Variants in GPR89A observed in about 807,000 individuals in gnomAD.
The protein encoded by GPR89A is G protein-coupled receptor 89A.
Under a neutral mutation model 52.0 loss-of-function variants are expected in GPR89A, and 16 were observed. That is an observed-to-expected ratio of 0.31 (90% CI 0.21 to 0.47). The LOEUF is 0.47. GPR89A is among the 20% of genes least tolerant of loss of function. GPR89A has a pLI of 1.00. For missense variants in GPR89A, 135 were observed against 449.4 expected, an observed-to-expected ratio of 0.30 and a Z score of 6.33; for synonymous variants, 55 against 150.9, an observed-to-expected ratio of 0.36 and a Z score of 4.66.
At chr1:145,612,739 C>G (rs1487220752) in intron 1 of GPR89A, among the ~76,000 whole-genome samples, 1 of 151,890 alleles carries the variant, frequency 6.6e-6, no homozygotes, top group African/African-American at 2.4e-5. Context: ...TTCCACCATC[C>G]TTCTCATCTT....
intron 7 of GPR89A, among the ~76,000 whole-genome samples, chr1:145,637,894 G>A (rs1429189800): frequency 2.0e-5 from 3 of 151,292 alleles, no homozygotes; most frequent in Non-Finnish European, 4.4e-5. Context: ...AATTCAGGCT[G>A]GGCATGGTGG....
intron 5 of GPR89A, among the ~76,000 whole-genome samples, chr1:145,624,553 A>T (rs1649363570): frequency 6.6e-6 from 1 of 151,478 alleles, no homozygotes. Flanking sequence ...ATCCTGCCGT[A>T]CCTATTACTA....
chr1:145,634,016 G>C (rs1366502800), intron 7 of GPR89A, among the ~76,000 whole-genome samples: 1 of 151,690 alleles, frequency 6.6e-6, no homozygotes, highest in African/African-American at 2.4e-5. Context: ...TAAATGGAAA[G>C]ATATCCCATG....
At chr1:145,635,250 C>A (rs1553690535) in intron 7 of GPR89A, among the ~76,000 whole-genome samples, 2 of 152,026 alleles carry the variant, frequency 1.3e-5, no homozygotes, top group Non-Finnish European at 2.9e-5. Context: ...ACTAAAGATA[C>A]AAAAAAGTAG....
chr1:145,653,460 A>G (rs1553693969), intron 10 of GPR89A, among the ~76,000 whole-genome samples: 1 of 147,850 alleles, frequency 6.8e-6, no homozygotes, highest in African/African-American at 2.5e-5. Context: ...GTTTTTGGGT[A>G]GAGAGTTCTG....
chr1:145,612,753 C>T (rs1648389885), intron 1 of GPR89A, among the ~76,000 whole-genome samples: 1 of 152,102 alleles, frequency 6.6e-6, no homozygotes, highest in Admixed American at 6.5e-5. Flanking sequence ...TCATCTTTTT[C>T]TCCTTACTTG....
Position 145,663,509 on chromosome 1 carries a change from C to T in GPR89A, c.1005+85C>T, listed in dbSNP as rs750312958. 99 of 1,559,950 alleles carry T rather than the reference C, an allele frequency of 6.3e-5. 1 individual carries two copies. The highest frequency in any genetic ancestry group is 8.3e-5 in the Non-Finnish European group (95 of 1,147,686). ...CATTGTTAAGATTCTAATTTGTATA[C>T]TTTAGGTACTTGCTTCTGCTTTTGT... On this transcript the variant is annotated intron_variant, in intron 11 of 13. Transcript: ENST00000313835.
chr1:145,647,037 C>T, intron 9 of GPR89A, 138 bp from the exon 10 acceptor site: 1 of 1,340,208 alleles, frequency 7.5e-7, no homozygotes, highest in Non-Finnish European at 1.0e-6. Context: ...GCCACAACTA[C>T]TGTTATTAGT....
At chr1:145,637,121 C>T (rs1388602008) in intron 7 of GPR89A, among the ~76,000 whole-genome samples, 1 of 151,858 alleles carries the variant, frequency 6.6e-6, no homozygotes, top group Admixed American at 6.6e-5. Flanking sequence ...CTTCTTGGTG[C>T]GATTTGCAAG....
In GPR89A at chr1:145,657,940, C is replaced by T. The variant is rs1651921408; in HGVS notation, c.910-5389C>T. 4.0e-5 allele frequency among the ~76,000 whole-genome samples: 6 copies of T among 151,438 alleles called. No homozygotes were observed. In the South Asian group the frequency reaches 1.3e-3, roughly 32 times the overall value. On this transcript the variant is annotated intron_variant, in intron 10 of 13. Coordinates refer to ENST00000313835, the MANE Select transcript of GPR89A (RefSeq NM_001097612.2). ...CTTAATATATTCATAGTTTTATAAC[C>T]ATTACCACAATCAATTTTTGAACAT...
chr1:145,620,680 G>A (rs1435769745), intron 3 of GPR89A, among the ~76,000 whole-genome samples: 4 of 149,788 alleles, frequency 2.7e-5, no homozygotes, highest in Non-Finnish European at 4.4e-5. Flanking sequence ...CCTTGATGAT[G>A]TATAACTGTC....
intron 7 of GPR89A, among the ~76,000 whole-genome samples, chr1:145,640,855 T>C (rs1177733539): frequency 1.3e-5 from 2 of 150,116 alleles, no homozygotes; most frequent in Non-Finnish European, 3.0e-5. Context: ...TAAGCAAAAA[T>C]GATGAACATT....
At chr1:145,662,965 GT>G (rs1553695867) in intron 10 of GPR89A, among the ~76,000 whole-genome samples, 1 of 151,840 alleles carries the variant, frequency 6.6e-6, no homozygotes, top group Admixed American at 6.6e-5. Context: ...AGTATTTGCT[GT>G]TAAAGCATTC....
chr1:145,640,011 A>G (rs1271234420), intron 7 of GPR89A, among the ~76,000 whole-genome samples: 1 of 152,092 alleles, frequency 6.6e-6, no homozygotes, highest in Non-Finnish European at 1.5e-5. Context: ...TAAGGTCAGG[A>G]GTTCAAGACT....
intron 7 of GPR89A, among the ~76,000 whole-genome samples, chr1:145,635,345 GC>G: frequency 6.6e-6 from 1 of 152,208 alleles, no homozygotes; most frequent in Non-Finnish European, 1.5e-5. Flanking sequence ...GGCGGAGCTT[GC>G]GGTAAGCCCA....
intron 7 of GPR89A, among the ~76,000 whole-genome samples, chr1:145,634,079 G>GT (rs1425140157): frequency 4.3e-5 from 1 of 23,274 alleles, no homozygotes; most frequent in African/African-American, 2.3e-4. Flanking sequence ...ATTGTCTATT[G>GT]TGTTTTTTTT....
chr1:145,667,043 C>G (rs1359807693), intron 12 of GPR89A, among the ~76,000 whole-genome samples: 2 of 152,140 alleles, frequency 1.3e-5, no homozygotes, highest in Non-Finnish European at 2.9e-5. Context: ...ATGCAATAAA[C>G]ATACGTGTGC....
At chr1:145,623,209 G>T in intron 4 of GPR89A, 49 bp downstream of exon 4, 1 of 1,599,960 alleles carries the variant, frequency 6.3e-7, no homozygotes, top group South Asian at 1.1e-5. Context: ...ATGAGTATTT[G>T]AGGGGACTTA....
chr1:145,627,281 A>G (rs1428619591), intron 5 of GPR89A, among the ~76,000 whole-genome samples: 6 of 151,984 alleles, frequency 3.9e-5, no homozygotes, highest in South Asian at 2.1e-4. Context: ...TAAAAGGACA[A>G]AGACACCATG....
Sources: allele counts gnomAD v4.1 joint callset (sites outside exome capture counted in the v4.1 genomes callset), GRCh38; gene constraint gnomAD v4.1.1; transcripts MANE v1.5; gene names NCBI Gene and HGNC (gene_info 2026-07-23, HGNC 2026-07-21).